Variants in GALNT1 observed in about 807,000 individuals in gnomAD.
GALNT1 encodes the protein polypeptide N-acetylgalactosaminyltransferase 1.
Under a neutral mutation model 65.7 loss-of-function variants are expected in GALNT1, and 17 were observed. The ratio of observed to expected loss-of-function variants is 0.26; its 90% CI spans 0.18 to 0.39. The LOEUF is 0.39. GALNT1 is among the 10% of genes least tolerant of loss of function. The pLI is 1.00. For missense variants in GALNT1, 460 were observed against 672.8 expected, an observed-to-expected ratio of 0.68 and a Z score of 3.50; for synonymous variants, 210 against 219.7, an observed-to-expected ratio of 0.96 and a Z score of 0.39.
intron 11 of GALNT1, among the ~76,000 whole-genome samples, chr18:35,704,409 A>T (rs1451082172): frequency 6.6e-6 from 1 of 151,800 alleles, no homozygotes; most frequent in East Asian, 1.9e-4. Flanking sequence ...CCCAGGCTCA[A>T]GCTATCCTCC....
At chr18:35,583,035 T>C (rs2046341073) in intron 1 of GALNT1, among the ~76,000 whole-genome samples, 1 of 152,252 alleles carries the variant, frequency 6.6e-6, no homozygotes, top group Non-Finnish European at 1.5e-5. Context: ...GTTGTGTCAG[T>C]AAATATTTAC....
chr18:35,658,898 C>T (rs1353242485), intron 2 of GALNT1, among the ~76,000 whole-genome samples: 2 of 151,778 alleles, frequency 1.3e-5, no homozygotes, highest in African/African-American at 4.8e-5. Context: ...TTAGTAGAGA[C>T]GGAGTTTCAC....
chr18:35,664,011 G>A (rs761396044), intron 3 of GALNT1: 12 of 486,296 alleles, frequency 2.5e-5, no homozygotes, highest in Non-Finnish European at 3.9e-5. Context: ...GGCATTGGAA[G>A]ATAATTATTT....
intron 1 of GALNT1, among the ~76,000 whole-genome samples, chr18:35,609,237 T>C (rs2046687507): frequency 6.6e-6 from 1 of 152,200 alleles, no homozygotes; most frequent in Non-Finnish European, 1.5e-5. Flanking sequence ...TTGATTGATA[T>C]TAGTGGTACT....
chr18:35,681,976 A>G (rs1307908038), intron 4 of GALNT1, among the ~76,000 whole-genome samples: 1 of 152,182 alleles, frequency 6.6e-6, no homozygotes, highest in Non-Finnish European at 1.5e-5. Flanking sequence ...GATAAAATAT[A>G]TAATGAGACT....
intron 4 of GALNT1, among the ~76,000 whole-genome samples, chr18:35,678,736 A>G (rs1419975959): frequency 6.6e-6 from 1 of 152,190 alleles, no homozygotes; most frequent in African/African-American, 2.4e-5. Flanking sequence ...CTCTTTTGCT[A>G]GTATCTTCAA....
At chr18:35,649,098 A>AT (rs2047275810) in intron 1 of GALNT1, among the ~76,000 whole-genome samples, 1 of 152,246 alleles carries the variant, frequency 6.6e-6, no homozygotes, top group Admixed American at 6.5e-5. Flanking sequence ...TCCTGAATAA[A>AT]TAGGAACGGG....
chr18:35,618,982 G>A (rs1170043504), intron 1 of GALNT1, among the ~76,000 whole-genome samples: 1 of 152,120 alleles, frequency 6.6e-6, no homozygotes, highest in East Asian at 1.9e-4. Flanking sequence ...ACTAAGAGAC[G>A]TTAAATGACA....
chr18:35,632,279 A>G (rs1327066411), intron 1 of GALNT1, among the ~76,000 whole-genome samples: 1 of 152,208 alleles, frequency 6.6e-6, no homozygotes, highest in Non-Finnish European at 1.5e-5. Flanking sequence ...TGGAGGCATC[A>G]TGCTACCTGA....
chr18:35,619,001 A>G (rs536365086), intron 1 of GALNT1, among the ~76,000 whole-genome samples: 2 of 152,326 alleles, frequency 1.3e-5, no homozygotes, highest in African/African-American at 4.8e-5. Flanking sequence ...CATTAGGGAG[A>G]GACTAGTAAG....
chr18:35,581,167 G>C (rs968799772), upstream of GALNT1: 4 of 151,746 alleles, frequency 2.6e-5, no homozygotes, highest in Admixed American at 2.0e-4. Flanking sequence ...CGCTGTGAGG[G>C]CTCCTCCATC....
intron 1 of GALNT1, among the ~76,000 whole-genome samples, chr18:35,643,817 AAC>A (rs1485454264): frequency 6.6e-6 from 1 of 152,084 alleles, no homozygotes; most frequent in Non-Finnish European, 1.5e-5. Context: ...AAGAAAAAAA[AAC>A]ACATATCTAC....
intron 1 of GALNT1, among the ~76,000 whole-genome samples, chr18:35,584,656 T>C (rs1372318538): frequency 6.6e-6 from 1 of 152,184 alleles, no homozygotes; most frequent in Non-Finnish European, 1.5e-5. Flanking sequence ...GTGGACCAGG[T>C]TGGGGGCCAG....
chr18:35,620,365 A>G (rs1263354800), intron 1 of GALNT1, among the ~76,000 whole-genome samples: 3 of 152,226 alleles, frequency 2.0e-5, no homozygotes, highest in Non-Finnish European at 2.9e-5. Context: ...AAGGCAGGCC[A>G]GAAGATGTAA....
At chr18:35,646,788 T>C (rs1160672244) in intron 1 of GALNT1, among the ~76,000 whole-genome samples, 2 of 152,230 alleles carry the variant, frequency 1.3e-5, no homozygotes, top group Non-Finnish European at 2.9e-5. Flanking sequence ...CAAGGGCTTC[T>C]GTCTGGATAT....
rs576046040 is a variant in GALNT1 at position 35,681,829 on chromosome 18, C to T, written c.482-1562C>T. On this transcript the variant is annotated intron_variant, in intron 4 of 11. Transcript: ENST00000269195. ...TAAAAAGATGGGCTTTAAAGTCAGGCAGACCTGGGTTTGAATCTTGGATCC... is the reference window on the plus strand; with the variant it reads ...TAAAAAGATGGGCTTTAAAGTCAGGTAGACCTGGGTTTGAATCTTGGATCC... Among the ~76,000 whole-genome samples the T allele has an allele frequency of 6.6e-5, 10 of 152,242 alleles. No individual in the cohort carries two copies. The East Asian group carries it at 1.9e-3, about 29-fold the overall frequency.
chr18:35,659,450 A>G (rs1033672531), intron 2 of GALNT1, among the ~76,000 whole-genome samples: 1 of 152,244 alleles, frequency 6.6e-6, no homozygotes, highest in South Asian at 2.1e-4. Flanking sequence ...ATCTGAAAAT[A>G]GCAGAGTTCT....
In GALNT1 at chr18:35,670,363, T is replaced by C. The variant is rs527613942; in HGVS notation, c.314+6561T>C. On this transcript the variant is annotated intron_variant, in intron 3 of 11. Coordinates refer to ENST00000269195, the MANE Select transcript of GALNT1 (RefSeq NM_020474.4). The stretch of plus-strand genomic sequence containing the variant: ...GTCTATATTAAAAAGAAAAATACGT[T>C]ACATTTCTATATGTTGTTTTCTTAC... Among the ~76,000 whole-genome samples, 169 of 152,294 alleles carry C rather than the reference T, an allele frequency of 1.1e-3. 4 individuals are homozygous for C. In the South Asian group the frequency reaches 0.019, roughly 17 times the overall value.
intron 1 of GALNT1, among the ~76,000 whole-genome samples, chr18:35,641,582 T>G (rs891941740): frequency 8.5e-5 from 13 of 152,176 alleles, no homozygotes; most frequent in African/African-American, 3.1e-4. Flanking sequence ...GAAGAGGAAA[T>G]GGAATGATCA....
Sources: allele counts gnomAD v4.1 joint callset (sites outside exome capture counted in the v4.1 genomes callset), GRCh38; gene constraint gnomAD v4.1.1; transcripts MANE v1.5; gene names NCBI Gene and HGNC (gene_info 2026-07-23, HGNC 2026-07-21).